Variants in PXN observed in about 807,000 individuals in gnomAD.
The protein encoded by PXN is paxillin.
PXN carries 61 observed loss-of-function variants against 103.6 expected under a neutral mutation model. That is an observed-to-expected ratio of 0.59 (90% CI 0.48 to 0.73). The LOEUF is 0.73. PXN is among the 30% of genes least tolerant of loss of function. The pLI is 0.00. For synonymous variants in PXN, 562 were observed against 607.8 expected (o/e 0.92, Z 1.11); for missense variants, 1,274 against 1,460.3 (o/e 0.87, Z 2.08).
Position 120,214,503 on chromosome 12 carries a change from C to T in PXN, c.2749-286G>A, listed in dbSNP as rs1323973017. On this transcript the variant is annotated intron_variant, in intron 12 of 14. Coordinates refer to ENST00000637617, the MANE Select transcript of PXN (RefSeq NM_001385981.1). The surrounding 1 kb of genome is among the most constrained non-coding windows in gnomAD (Gnocchi z 5.0). ...GTGAAGAAACATAGGCTCAGAGAGGCCAGGCATTTCCTAAGTTCACAGAGA... is the reference window on the plus strand; with the variant it reads ...GTGAAGAAACATAGGCTCAGAGAGGTCAGGCATTTCCTAAGTTCACAGAGA... 6.6e-6 allele frequency among the ~76,000 whole-genome samples: 1 copy of T among 152,170 alleles called. No homozygotes were observed. The highest frequency in any genetic ancestry group is 1.5e-5 in the Non-Finnish European group (1 of 68,018).
At chr12:120,226,335 T>C (rs1566399132) in intron 1 of PXN, 6 of 1,289,206 alleles carry the variant, frequency 4.7e-6, no homozygotes, top group Non-Finnish European at 5.1e-6. Context: ...GAAGGCCCAC[T>C]GGGGCCAGGA....
intron 3 of PXN, 113 bp from the exon 4 acceptor site, chr12:120,223,112 C>T (rs1255902962): frequency 6.5e-7 from 1 of 1,546,154 alleles, no homozygotes; most frequent in Non-Finnish European, 8.8e-7. Context: ...AAGTCTTCCC[C>T]CGCAAGAGGA....
chr12:120,252,556 C>T (rs1243880677), intron 1 of PXN, among the ~76,000 whole-genome samples: 1 of 152,106 alleles, frequency 6.6e-6, no homozygotes, highest in Non-Finnish European at 1.5e-5. Flanking sequence ...GGTCAGAAGT[C>T]AAATGTAATT....
intron 1 of PXN, among the ~76,000 whole-genome samples, chr12:120,254,116 T>C (rs1359539792): frequency 6.6e-6 from 1 of 152,038 alleles, no homozygotes; most frequent in African/African-American, 2.4e-5. Flanking sequence ...TAACCTCAGA[T>C]GATCCACCCA....
intron 1 of PXN, among the ~76,000 whole-genome samples, chr12:120,251,632 C>CA (rs1359463300): frequency 6.6e-6 from 1 of 152,060 alleles, no homozygotes; most frequent in African/African-American, 2.4e-5. Flanking sequence ...GCCTGGCCAA[C>CA]ATGGTGAAAC....
intron 1 of PXN, among the ~76,000 whole-genome samples, chr12:120,255,982 G>A (rs1216487657): frequency 6.6e-6 from 1 of 151,524 alleles, no homozygotes; most frequent in African/African-American, 2.4e-5. Flanking sequence ...GGAGGCAGGA[G>A]GATCGCTTGA....
In PXN at chr12:120,228,679, G is replaced by A. The variant is rs770560204; in HGVS notation, c.14-4302C>T. On this transcript the variant is annotated intron_variant, in intron 1 of 14. Transcript: ENST00000637617. This position sits in a 1 kb window ranked among gnomAD's most constrained non-coding sequence, Gnocchi z 4.7. ...AGCTGGAGGAACACAGCAAGCTAGT[G>A]GGAGGAACACAGGTAGCCTGGTATC... 6.0e-4 allele frequency among the ~76,000 whole-genome samples: 91 copies of A among 152,236 alleles called. No homozygotes were observed. The highest frequency in any genetic ancestry group is 1.3e-3 in the Non-Finnish European group (87 of 68,038).
At chr12:120,257,216 A>G (rs1278167722) in intron 1 of PXN, among the ~76,000 whole-genome samples, 1 of 152,154 alleles carries the variant, frequency 6.6e-6, no homozygotes, top group Non-Finnish European at 1.5e-5. Context: ...GCTCTCCCCA[A>G]CAAGAAAACA....
At chr12:120,234,791 A>G (rs1294083221) in intron 1 of PXN, among the ~76,000 whole-genome samples, 1 of 152,212 alleles carries the variant, frequency 6.6e-6, no homozygotes, top group East Asian at 1.9e-4. Flanking sequence ...GGTGGCTGGG[A>G]TAAAATAAAC....
In PXN at chr12:120,211,911, A is replaced by C. The variant is rs772827116; in HGVS notation, c.*403T>G. On this transcript the variant is annotated 3_prime_UTR_variant, in exon 15 of 15. Coordinates refer to ENST00000637617, the MANE Select transcript of PXN (RefSeq NM_001385981.1). ...AGACAATTAGGTCGGGGGAGGAATA[A>C]GGATAAAAAGAGACCCCAACAGACC... 3.0e-5 allele frequency: 16 copies of C among 526,750 alleles called. No homozygotes were observed. Among genetic ancestry groups the C allele is most frequent in the Non-Finnish European group, 5.3e-5 (14 of 265,672 alleles). The allele number at this position is 526,750 out of a possible 1,614,324, so 32.6% of individuals were successfully genotyped here.
chr12:120,259,084 A>T (rs1893463062), intron 1 of PXN, among the ~76,000 whole-genome samples: 1 of 107,996 alleles, frequency 9.3e-6, no homozygotes, highest in Non-Finnish European at 1.9e-5. Flanking sequence ...CAAACAAACA[A>T]AAAAAAACAA....
At chr12:120,249,995 G>A in intron 1 of PXN, 6 of 985,504 alleles carry the variant, frequency 6.1e-6, no homozygotes, top group Non-Finnish European at 7.2e-6. Flanking sequence ...GCAGGCTCAG[G>A]AGGGCTGCCA....
chr12:120,217,032 G>A lies in PXN; in HGVS notation c.1801C>T (p.Pro601Ser). The A allele has an allele frequency of 1.3e-6, 2 of 1,585,064 alleles. No homozygotes were observed. Among genetic ancestry groups the A allele is most frequent in the Non-Finnish European group, 1.7e-6 (2 of 1,174,070 alleles). ...REPSPRRRLD[P>S]ATLSRTPSQE... is the part of the protein sequence containing the mutation. ...GATGGGGTCCTGCTCAAGGTGGCAG[G>A]GTCCAGCCGGCGGCGAGGGGAGGGC... The change falls in exon 8 of 15, where the codon CCT (proline) becomes TCT (serine). Residue 601 changes from proline (P) to serine (S), a missense_variant. Physicochemically the swap from Pro to Ser is moderately conservative, Grantham distance 74. This residue lies in a region of PXN where 1,178 missense variants were observed against 1,309.0 expected (regional missense o/e 0.90). Coordinates refer to ENST00000637617, the MANE Select transcript of PXN (RefSeq NM_001385981.1). This position sits in a 1 kb window ranked among gnomAD's most constrained non-coding sequence, Gnocchi z 4.1.
Position 120,224,457 on chromosome 12 carries a change from C to T in PXN, c.14-80G>A, listed in dbSNP as rs557676533. ...CGTGGCAGGGCCCTCCCTGCCTGCA[C>T]CTCAAGAGTTAATGCCTTCTAGCAC... On this transcript the variant is annotated intron_variant, in intron 1 of 14. Transcript: ENST00000637617. The surrounding 1 kb of genome is among the most constrained non-coding windows in gnomAD (Gnocchi z 5.0). 12 of 1,026,748 alleles carry T rather than the reference C, an allele frequency of 1.2e-5. No homozygotes were observed. Among genetic ancestry groups the T allele is most frequent in the African/African-American group, 9.4e-5 (6 of 63,702 alleles). The allele number at this position is 1,026,748 out of a possible 1,614,324, so 63.6% of individuals were successfully genotyped here. A position where few individuals can be genotyped will look rare whatever the true frequency, so the allele number is the denominator to read the frequency against.
In PXN at chr12:120,219,508, T is replaced by G; in HGVS notation, c.1415A>C (p.Gln472Pro). The change falls in exon 7 of 15, where the codon CAG (glutamine) becomes CCG (proline). Residue 472 changes from glutamine to proline, a missense_variant. Physicochemically the swap from Gln to Pro is moderately conservative, Grantham distance 76. Around this residue, in one of 2 missense-constraint regions of PXN, gnomAD observed 1,178 missense variants for 1,309.0 expected, o/e 0.90. Coordinates refer to ENST00000637617, the MANE Select transcript of PXN (RefSeq NM_001385981.1). The surrounding 1 kb of genome is among the most constrained non-coding windows in gnomAD (Gnocchi z 6.5). ...TEPAVVAVDR[Q>P]AIFPDTWTLT... ...AGTCCAGGTATCTGGGAAGATGGCC[T>G]GCCGGTCCACTGCCACTACAGCTGG... 6.3e-7 allele frequency: 1 copy of G among 1,595,600 alleles called. No individual in the cohort carries two copies. The highest frequency in any genetic ancestry group is 8.5e-7 in the Non-Finnish European group (1 of 1,178,624).
At chr12:120,234,536 C>G (rs1402525470) in intron 1 of PXN, among the ~76,000 whole-genome samples, 1 of 152,180 alleles carries the variant, frequency 6.6e-6, no homozygotes, top group Non-Finnish European at 1.5e-5. Context: ...ACAGATTTGG[C>G]TGGTCTGCTG....
At chr12:120,248,120 T>G (rs548847929) in intron 1 of PXN, among the ~76,000 whole-genome samples, 1 of 152,192 alleles carries the variant, frequency 6.6e-6, no homozygotes, top group African/African-American at 2.4e-5. Flanking sequence ...GAAAAAACTC[T>G]TCCAAAGGAA....
intron 1 of PXN, chr12:120,226,506 C>T: frequency 4.0e-6 from 5 of 1,257,880 alleles, no homozygotes; most frequent in Non-Finnish European, 5.2e-6. Flanking sequence ...CAACAGAAGA[C>T]AAATGGTCAG....
chr12:120,247,846 A>C (rs1410669619), intron 1 of PXN: 1 of 152,224 alleles, frequency 6.6e-6, no homozygotes. Flanking sequence ...GAAAAAAAGA[A>C]AGAAAGTTGA....
Sources: allele counts gnomAD v4.1 joint callset (sites outside exome capture counted in the v4.1 genomes callset), GRCh38; gene constraint gnomAD v4.1.1; regional missense constraint gnomAD v4.1.1; non-coding constraint Gnocchi (gnomAD v3.1); transcripts MANE v1.5; gene names NCBI Gene and HGNC (gene_info 2026-07-23, HGNC 2026-07-21).